FSD1L: variants seen among roughly 807,000 people sequenced by gnomAD.
FSD1L encodes FSD1-like protein.
In FSD1L, 45 loss-of-function variants were observed where a neutral mutation model predicts 71.6. The observed-to-expected ratio is 0.63, with a 90% CI of 0.49 to 0.81. FSD1L has a LOEUF of 0.81. Among genes scored for constraint, FSD1L ranks in the 30% least tolerant of loss-of-function variants. FSD1L has a pLI of 0.00. For missense variants in FSD1L, 561 were observed against 618.1 expected (o/e 0.91, Z 0.98); for synonymous variants, 197 against 207.2 (o/e 0.95, Z 0.42).
intron 7 of FSD1L, among the ~76,000 whole-genome samples, chr9:105,493,910 C>G (rs1833148963): frequency 2.6e-5 from 4 of 152,328 alleles, no homozygotes; most frequent in South Asian, 4.1e-4. Flanking sequence ...ATAACCCGAC[C>G]TTTCTCTCTG....
At chr9:105,449,069 G>C (rs577163532) in intron 1 of FSD1L, among the ~76,000 whole-genome samples, 12 of 152,138 alleles carry the variant, frequency 7.9e-5, no homozygotes, top group Non-Finnish European at 1.6e-4. Flanking sequence ...TATAGTACAG[G>C]GTAGGAAAGA....
intron 5 of FSD1L, among the ~76,000 whole-genome samples, chr9:105,475,820 A>G (rs1021350214): frequency 2.0e-5 from 3 of 152,204 alleles, no homozygotes; most frequent in African/African-American, 7.2e-5. Context: ...TCAAATGATC[A>G]TGCTTTTTGA....
intron 4 of FSD1L, among the ~76,000 whole-genome samples, chr9:105,470,115 C>T (rs1003050558): frequency 6.6e-6 from 1 of 152,134 alleles, no homozygotes; most frequent in African/African-American, 2.4e-5. Context: ...TTCCATTGGT[C>T]TGTGTATCTG....
At chr9:105,489,270 A>G (rs1045231603) in intron 7 of FSD1L, among the ~76,000 whole-genome samples, 11 of 152,166 alleles carry the variant, frequency 7.2e-5, no homozygotes, top group Non-Finnish European at 1.6e-4. Flanking sequence ...CTGATCTACG[A>G]TAAGAAACTT....
intron 1 of FSD1L, among the ~76,000 whole-genome samples, chr9:105,448,808 A>G (rs554785712): frequency 1.1e-3 from 169 of 152,282 alleles, no homozygotes; most frequent in Middle Eastern, 6.8e-3. Flanking sequence ...AAAGACTTCA[A>G]TTGTTAGGGC....
chr9:105,443,439 C>A (rs1829576929), upstream of FSD1L, among the ~76,000 whole-genome samples: 1 of 152,130 alleles, frequency 6.6e-6, no homozygotes, highest in Admixed American at 6.5e-5. Flanking sequence ...CAATTACCTC[C>A]CACCAGATTC....
chr9:105,493,516 G>A (rs1833109654), intron 7 of FSD1L, among the ~76,000 whole-genome samples: 2 of 152,058 alleles, frequency 1.3e-5, no homozygotes, highest in South Asian at 4.1e-4. Flanking sequence ...GGTTAATATT[G>A]TTATGTGTGA....
Position 105,464,309 on chromosome 9 carries a change from A to G in FSD1L, c.185A>G (p.His62Arg), listed in dbSNP as rs1830914557. The change falls in exon 3 of 14, where the codon CAT (histidine) becomes CGT (arginine). Residue 62 changes from histidine to arginine, a missense_variant. His to Arg is a conservative substitution (Grantham distance 29). Around this residue, in one of 3 missense-constraint regions of FSD1L, gnomAD observed 410 missense variants for 413.5 expected, o/e 0.99. Coordinates refer to ENST00000481272, the MANE Select transcript of FSD1L (RefSeq NM_001145313.3). ...ATTCAGAACTTTATTGATACACTAC[A>G]TCATACACTAAAAGGAGTTCAGGTA... ...DEIQNFIDTL[H>R]HTLKGVQENS... 6.7e-7 allele frequency: 1 copy of G among 1,502,688 alleles called. No individual in the cohort carries two copies. The highest frequency in any genetic ancestry group is 9.0e-7 in the Non-Finnish European group (1 of 1,112,826). The allele number at this position is 1,502,688 out of a possible 1,614,324, so 93.1% of individuals were successfully genotyped here. A position where few individuals can be genotyped will look rare whatever the true frequency, so the allele number is the denominator to read the frequency against.
At chr9:105,538,216 C>G (rs1342007734) in intron 12 of FSD1L, among the ~76,000 whole-genome samples, 2 of 152,180 alleles carry the variant, frequency 1.3e-5, no homozygotes, top group Non-Finnish European at 2.9e-5. Flanking sequence ...TTAAGCATTA[C>G]TATTCTGCTG....
In FSD1L at chr9:105,448,044, G is replaced by C. The variant is rs1330392451; in HGVS notation, c.-177G>C. On this transcript the variant is annotated 5_prime_UTR_variant, in exon 1 of 14. Transcript: ENST00000481272. ...CTTCTGCGGGCCGCCCTTTCACCCT[G>C]GCAACCGCGGCGTGACTACGGCGCG... The C allele has an allele frequency of 1.5e-6, 1 of 686,424 alleles. No homozygotes were observed. The highest frequency in any genetic ancestry group is 1.9e-5 in the African/African-American group (1 of 52,460). The allele number at this position is 686,424 out of a possible 1,614,324, so 42.5% of individuals were successfully genotyped here. A position where few individuals can be genotyped will look rare whatever the true frequency, so the allele number is the denominator to read the frequency against.
At chr9:105,447,254 G>A (rs1010608543), upstream of FSD1L, among the ~76,000 whole-genome samples, 2 of 142,348 alleles carry the variant, frequency 1.4e-5, no homozygotes, top group African/African-American at 5.3e-5. Context: ...AACCCGGGAG[G>A]CAGAGGTTGC....
chr9:105,458,831 G>T (rs531307577), intron 1 of FSD1L, among the ~76,000 whole-genome samples: 71 of 152,286 alleles, frequency 4.7e-4, no homozygotes, highest in Non-Finnish European at 7.6e-4. Context: ...GAACCATTAA[G>T]GGGTAAAATC....
chr9:105,509,098 T>G lies in FSD1L; in HGVS notation c.895+383T>G, dbSNP rs540263492. 1.4e-4 allele frequency among the ~76,000 whole-genome samples: 22 copies of G among 152,368 alleles called. No individual in the cohort carries two copies. In the South Asian group the frequency reaches 4.3e-3, roughly 30 times the overall value. ...TTAGTTCAGGTCCTCTCTGTTTTCC[T>G]GTATCTTATTGCAACAGTTAACGTT... On this transcript the variant is annotated intron_variant, in intron 9 of 13. Coordinates refer to ENST00000481272, the MANE Select transcript of FSD1L (RefSeq NM_001145313.3).
intron 2 of FSD1L, among the ~76,000 whole-genome samples, chr9:105,463,097 C>T (rs899616968): frequency 7.9e-5 from 12 of 151,438 alleles, no homozygotes; most frequent in Non-Finnish European, 1.8e-4. Flanking sequence ...GAGATCACGC[C>T]ATTGCACTCC....
intron 5 of FSD1L, among the ~76,000 whole-genome samples, chr9:105,477,338 T>C (rs1225595866): frequency 6.6e-6 from 1 of 152,196 alleles, no homozygotes; most frequent in Admixed American, 6.5e-5. Context: ...GCTTTTGTTA[T>C]TGGGCAAGTT....
chr9:105,473,823 C>G (rs561236716), intron 5 of FSD1L, among the ~76,000 whole-genome samples: 1 of 152,158 alleles, frequency 6.6e-6, no homozygotes, highest in East Asian at 1.9e-4. Context: ...CAAATGCTAC[C>G]CTTTTCTGTT....
At chr9:105,530,705 A>C (rs1018866972) in intron 10 of FSD1L, 1 of 509,544 alleles carries the variant, frequency 2.0e-6, no homozygotes, top group Non-Finnish European at 3.5e-6. Context: ...GAGGCAAACT[A>C]TCAGTGTATT....
chr9:105,468,411 G>T (rs898868338), intron 4 of FSD1L, 87 bp downstream of exon 4: 7 of 1,016,648 alleles, frequency 6.9e-6, no homozygotes, highest in Non-Finnish European at 6.9e-6. Flanking sequence ...GAATTTCTAA[G>T]TATAACTATA....
At chr9:105,471,242 C>T (rs1366976467) in intron 4 of FSD1L, among the ~76,000 whole-genome samples, 2 of 152,162 alleles carry the variant, frequency 1.3e-5, no homozygotes, top group East Asian at 1.9e-4. Flanking sequence ...CCTAGCCATC[C>T]CTGGCATGAG....
Sources: allele counts gnomAD v4.1 joint callset (sites outside exome capture counted in the v4.1 genomes callset), GRCh38; gene constraint gnomAD v4.1.1; regional missense constraint gnomAD v4.1.1; transcripts MANE v1.5; gene names NCBI Gene and HGNC (gene_info 2026-07-23, HGNC 2026-07-21).